The following SAMD5 variants were observed in gnomAD, a reference collection of about 807,000 sequenced individuals.
SAMD5 encodes the protein sterile alpha motif domain containing 5.
In SAMD5, 13 loss-of-function variants were observed where a neutral mutation model predicts 11.3. The observed-to-expected ratio is 1.15, with a 90% CI of 0.75 to 1.83. The LOEUF (loss-of-function observed/expected upper bound fraction) is 1.83. Ranked by LOEUF, SAMD5 falls within the 40% of genes most tolerant of loss-of-function variation. SAMD5 has a pLI of 0.00. For synonymous variants in SAMD5, 129 were observed against 111.3 expected, an observed-to-expected ratio of 1.16 and a Z score of -1.00; for missense variants, 255 against 239.1, an observed-to-expected ratio of 1.07 and a Z score of -0.44.
the SAMD5 span, among the ~76,000 whole-genome samples, chr6:147,890,180 G>T: frequency 2.0e-5 from 3 of 151,426 alleles, no homozygotes; most frequent in Non-Finnish European, 2.9e-5. Context: ...ATGTGTAGCA[G>T]AAAAAAATAC....
chr6:147,575,071 C>T (rs1287653981), intron 1 of SAMD5, among the ~76,000 whole-genome samples: 2 of 152,162 alleles, frequency 1.3e-5, no homozygotes, highest in African/African-American at 4.8e-5. Context: ...AGGCTTATTT[C>T]TACATAGATA....
chr6:147,637,606 C>T (rs1790249463), intron 1 of SAMD5, among the ~76,000 whole-genome samples: 1 of 152,152 alleles, frequency 6.6e-6, no homozygotes, highest in Admixed American at 6.5e-5. Context: ...AGTGGTAAGA[C>T]ATAGGCGAGG....
chr6:147,909,560 TTTTCTTTCTTTCTTTCTTTC>T, the SAMD5 span, among the ~76,000 whole-genome samples: 104 of 78,932 alleles, frequency 1.3e-3, 1 homozygote, highest in East Asian at 4.7e-3. Flanking sequence ...CATCCATCTT[TTTTCTTTCTTTCTTTCTTTC>T]TTTCTTTCTT....
chr6:147,705,015 T>A lies in SAMD5; in HGVS notation c.163-32302T>A, dbSNP rs185063433. On this transcript the variant is annotated intron_variant, in intron 1 of 1. Coordinates refer to the SAMD5 transcript ENST00000566741. Reference sequence around the variant, plus strand: ...TGAGCTGGGAACTGTGAGCAGTGATTTAGGAGAAGAAGATTGGAACACTTG... The same window carrying A: ...TGAGCTGGGAACTGTGAGCAGTGATATAGGAGAAGAAGATTGGAACACTTG... Among the ~76,000 whole-genome samples, 304 of 152,314 alleles carry A rather than the reference T, an allele frequency of 2.0e-3. 1 individual carries two copies. The highest frequency in any genetic ancestry group is 6.9e-3 in the African/African-American group (287 of 41,568).
At chr6:147,730,089 A>AG (rs772830745) in intron 1 of SAMD5, 4 of 437,644 alleles carry the variant, frequency 9.1e-6, no homozygotes, top group African/African-American at 6.3e-5. Flanking sequence ...AAAAAAAAAA[A>AG]AAAGAAAAGA....
At chr6:147,586,615 T>G (rs844558) in intron 1 of SAMD5, among the ~76,000 whole-genome samples, 9,725 of 152,086 alleles carry the variant, frequency 0.064, 400 homozygotes, top group African/African-American at 0.12. Flanking sequence ...TTTTAATCAC[T>G]ATTTCTTCAA....
chr6:147,916,720 CT>C, the SAMD5 span, among the ~76,000 whole-genome samples: 275 of 126,786 alleles, frequency 2.2e-3, 5 homozygotes, highest in South Asian at 0.015. Context: ...CCCCACCCCA[CT>C]ACAGTCCCCA....
At chr6:147,571,812 A>T (rs111609155), downstream of SAMD5, among the ~76,000 whole-genome samples, 16 of 152,280 alleles carry the variant, frequency 1.1e-4, no homozygotes, top group African/African-American at 3.1e-4. Flanking sequence ...TTGCCTATAA[A>T]TCAGAAGTCC....
intron 1 of SAMD5, among the ~76,000 whole-genome samples, chr6:147,696,879 C>G (rs927387861): frequency 1.3e-5 from 2 of 152,108 alleles, no homozygotes; most frequent in African/African-American, 4.8e-5. Flanking sequence ...GTAGCAAGGC[C>G]ACTGGGGTAG....
At chr6:147,551,058 G>A (rs1270420749) in intron 1 of SAMD5, among the ~76,000 whole-genome samples, 2 of 152,192 alleles carry the variant, frequency 1.3e-5, no homozygotes, top group East Asian at 3.9e-4. Context: ...CAGTAGAGGG[G>A]TTGGGATAGC....
chr6:147,835,261 T>C, the SAMD5 span, among the ~76,000 whole-genome samples: 1 of 129,002 alleles, frequency 7.8e-6, no homozygotes, highest in Non-Finnish European at 1.6e-5. Flanking sequence ...AAAAACAGTA[T>C]ATGAGATTGT....
rs2128445173 is a variant in SAMD5, at chr6:147,569,422, A to G, written c.*4966A>G. The G allele has an allele frequency of 2.1e-6, 2 of 963,496 alleles. No homozygotes were observed. The highest frequency in any genetic ancestry group is 2.5e-6 in the Non-Finnish European group (2 of 810,064). The allele number at this position is 963,496 out of a possible 1,614,324, so 59.7% of individuals were successfully genotyped here. A position where few individuals can be genotyped will look rare whatever the true frequency, so the allele number is the denominator to read the frequency against. On this transcript the variant is annotated 3_prime_UTR_variant, in exon 2 of 2. Coordinates refer to ENST00000367474, the MANE Select transcript of SAMD5 (RefSeq NM_001030060.3). Reference sequence around the variant, plus strand: ...GCTAAGTAGTATTTTTTTCTTAACAATTTTGCCAAAATTTCTTCTACTGGA... The same window carrying G: ...GCTAAGTAGTATTTTTTTCTTAACAGTTTTGCCAAAATTTCTTCTACTGGA...
chr6:147,646,019 TATCTATGTATCTATC>T (rs2128452860), intron 1 of SAMD5, among the ~76,000 whole-genome samples: 1 of 14,994 alleles, frequency 6.7e-5, no homozygotes, highest in East Asian at 2.9e-3. Context: ...TCTATGTATC[TATCTATGTATCTATC>T]TATCTATCTA....
intron 1 of SAMD5, among the ~76,000 whole-genome samples, chr6:147,611,293 G>T (rs1261668833): frequency 6.6e-6 from 1 of 152,122 alleles, no homozygotes; most frequent in Non-Finnish European, 1.5e-5. Flanking sequence ...GCAAGTGGAA[G>T]CTTGTTTAGA....
intron 1 of SAMD5, among the ~76,000 whole-genome samples, chr6:147,550,590 A>G (rs1194905531): frequency 6.6e-6 from 1 of 152,198 alleles, no homozygotes; most frequent in Non-Finnish European, 1.5e-5. Flanking sequence ...GAGTGAAATT[A>G]TGTCTTTTGC....
At chr6:147,653,607 C>T (rs1249911059) in intron 1 of SAMD5, among the ~76,000 whole-genome samples, 3 of 152,132 alleles carry the variant, frequency 2.0e-5, no homozygotes, top group African/African-American at 7.2e-5. Flanking sequence ...TATTCAAATG[C>T]TCTGTGTGTA....
chr6:147,613,385 G>A (rs2128449338), intron 1 of SAMD5, among the ~76,000 whole-genome samples: 1 of 151,924 alleles, frequency 6.6e-6, no homozygotes, highest in Admixed American at 6.5e-5. Context: ...CTGATCCATT[G>A]TCAAACTTCT....
chr6:147,713,140 T>C (rs1360692525), intron 1 of SAMD5, among the ~76,000 whole-genome samples: 1 of 152,240 alleles, frequency 6.6e-6, no homozygotes, highest in Admixed American at 6.5e-5. Flanking sequence ...AATACCTGTT[T>C]GTTGACTGCG....
the SAMD5 span, among the ~76,000 whole-genome samples, chr6:147,923,520 C>T: frequency 2.6e-5 from 4 of 152,132 alleles, no homozygotes; most frequent in Admixed American, 6.6e-5. Flanking sequence ...TAGCACTTCA[C>T]AATTTACAAA....
Sources: allele counts gnomAD v4.1 joint callset (sites outside exome capture counted in the v4.1 genomes callset), GRCh38; gene constraint gnomAD v4.1.1; transcripts MANE v1.5; gene names NCBI Gene and HGNC (gene_info 2026-07-23, HGNC 2026-07-21).